PRIM2: variants seen among roughly 807,000 people sequenced by gnomAD.
PRIM2 encodes the protein DNA primase subunit 2.
PRIM2 carries 39 observed loss-of-function variants against 67.3 expected under a neutral mutation model. That is an observed-to-expected ratio of 0.58 (90% confidence interval 0.45 to 0.76). The LOEUF is 0.76. PRIM2 is among the 30% of genes least tolerant of loss of function. The pLI is 0.00. For synonymous variants in PRIM2, 143 were observed against 198.7 expected, an observed-to-expected ratio of 0.72 and a Z score of 2.36; for missense variants, 398 against 598.7, an observed-to-expected ratio of 0.66 and a Z score of 3.50.
chr6:57,473,886 C>A (rs1255447482), intron 7 of PRIM2, among the ~76,000 whole-genome samples: 4 of 151,262 alleles, frequency 2.6e-5, no homozygotes, highest in Admixed American at 1.3e-4. Flanking sequence ...TGGGGCTCTA[C>A]TGTTTGTTTG....
chr6:57,551,478 T>G (rs1229938615), intron 10 of PRIM2, among the ~76,000 whole-genome samples: 1 of 152,186 alleles, frequency 6.6e-6, no homozygotes, highest in South Asian at 2.1e-4. Flanking sequence ...CCCTAAGAAG[T>G]AGATTGCTTT....
At chr6:57,416,703 T>C (rs1388703518) in intron 7 of PRIM2, among the ~76,000 whole-genome samples, 2 of 152,354 alleles carry the variant, frequency 1.3e-5, no homozygotes, top group East Asian at 3.9e-4. Flanking sequence ...GATAACTTGC[T>C]GCAGCTTCTG....
At chr6:57,488,495 T>C (rs1773803946) in intron 7 of PRIM2, among the ~76,000 whole-genome samples, 6 of 152,222 alleles carry the variant, frequency 3.9e-5, no homozygotes. Flanking sequence ...AAGTAGAATG[T>C]AGATTAAGTA....
At chr6:57,292,652 T>C in the PRIM2 span, among the ~76,000 whole-genome samples, 7 of 152,180 alleles carry the variant, frequency 4.6e-5, no homozygotes, top group Admixed American at 3.9e-4. Context: ...AACAGATATA[T>C]AGAACAGAAT....
intron 7 of PRIM2, among the ~76,000 whole-genome samples, chr6:57,407,771 A>G (rs1314077670): frequency 3.3e-5 from 5 of 152,206 alleles, no homozygotes; most frequent in Admixed American, 3.3e-4. Context: ...GATTAGTTAA[A>G]GAATTGGCTT....
the PRIM2 span, among the ~76,000 whole-genome samples, chr6:57,226,658 C>T: frequency 2.0e-5 from 3 of 152,136 alleles, no homozygotes; most frequent in East Asian, 5.8e-4. Context: ...TTAAAAAATT[C>T]CTCTGACTGC....
intron 7 of PRIM2, among the ~76,000 whole-genome samples, chr6:57,465,982 C>T (rs1329046128): frequency 6.6e-6 from 1 of 151,976 alleles, no homozygotes; most frequent in Non-Finnish European, 1.5e-5. Context: ...GCTCCCCACC[C>T]CCTGACAGGC....
At chr6:57,390,953 A>T (rs926605970) in intron 7 of PRIM2, among the ~76,000 whole-genome samples, 17 of 152,292 alleles carry the variant, frequency 1.1e-4, no homozygotes, top group African/African-American at 4.1e-4. Context: ...CTCTTTGAGG[A>T]ATCAGTATAC....
At chr6:57,576,098 G>T (rs1775959756) in intron 10 of PRIM2, among the ~76,000 whole-genome samples, 1 of 152,062 alleles carries the variant, frequency 6.6e-6, no homozygotes, top group Non-Finnish European at 1.5e-5. Context: ...GATTTAGTCT[G>T]TGCTCAGCTT....
intron 10 of PRIM2, among the ~76,000 whole-genome samples, chr6:57,579,172 G>T (rs1319578655): frequency 5.7e-5 from 8 of 141,556 alleles, no homozygotes; most frequent in Non-Finnish European, 1.1e-4. Context: ...TTTTTTTTTG[G>T]ATACATTTCT....
At chr6:57,347,672 G>C (rs1191559994) in intron 5 of PRIM2, among the ~76,000 whole-genome samples, 4 of 152,136 alleles carry the variant, frequency 2.6e-5, no homozygotes, top group Non-Finnish European at 4.4e-5. Flanking sequence ...TTGAACTTCA[G>C]GCCTTAAGTG....
At chr6:57,484,487 A>T (rs1481856140) in intron 7 of PRIM2, among the ~76,000 whole-genome samples, 2 of 152,184 alleles carry the variant, frequency 1.3e-5, no homozygotes, top group East Asian at 1.9e-4. Context: ...CTCAGAGTTT[A>T]AAAAAATCCC....
intron 12 of PRIM2, among the ~76,000 whole-genome samples, chr6:57,611,400 G>C (rs2127494342): frequency 1.3e-5 from 2 of 152,216 alleles, no homozygotes; most frequent in East Asian, 3.9e-4. Context: ...TAATTAAGAT[G>C]GTGTGGTATT....
intron 7 of PRIM2, among the ~76,000 whole-genome samples, chr6:57,492,032 C>T (rs1382518440): frequency 1.3e-5 from 2 of 152,104 alleles, no homozygotes; most frequent in Non-Finnish European, 2.9e-5. Flanking sequence ...TTAGGCAAGC[C>T]CCCTGTGTAA....
intron 10 of PRIM2, among the ~76,000 whole-genome samples, chr6:57,551,440 G>C (rs1371329219): frequency 6.6e-6 from 1 of 152,204 alleles, no homozygotes; most frequent in African/African-American, 2.4e-5. Context: ...TAAAAAATTT[G>C]AATGGTAAGG....
chr6:57,432,261 G>A (rs1389420335), intron 7 of PRIM2, among the ~76,000 whole-genome samples: 1 of 152,086 alleles, frequency 6.6e-6, no homozygotes, highest in Non-Finnish European at 1.5e-5. Flanking sequence ...TTTCATGAAA[G>A]GAATTTGTTT....
At chr6:57,531,264 T>C (rs1326253411) in intron 8 of PRIM2, among the ~76,000 whole-genome samples, 30 of 152,272 alleles carry the variant, frequency 2.0e-4, no homozygotes, top group African/African-American at 7.0e-4. Flanking sequence ...GCAATCCTCT[T>C]ACCTCAGCCT....
At chr6:57,614,161 C>G (rs1327506593) in intron 12 of PRIM2, among the ~76,000 whole-genome samples, 5 of 152,182 alleles carry the variant, frequency 3.3e-5, no homozygotes, top group Non-Finnish European at 4.4e-5. Context: ...ATGTTAGATT[C>G]TCATAGGAGC....
At chr6:57,228,613 G>C in the PRIM2 span, among the ~76,000 whole-genome samples, 1 of 152,176 alleles carries the variant, frequency 6.6e-6, no homozygotes, top group Non-Finnish European at 1.5e-5. Context: ...GTGGGGTATG[G>C]GAGGGCCCCA....
Sources: gnomAD v4.1 joint callset for allele counts (sites outside exome capture counted in the v4.1 genomes callset) on GRCh38, gnomAD v4.1.1 for gene constraint, MANE v1.5 for transcripts, NCBI Gene and HGNC (gene_info 2026-07-23, HGNC 2026-07-21) for gene names.